CCT3: variants seen among roughly 807,000 people sequenced by gnomAD.
The protein encoded by CCT3 is chaperonin containing TCP1 subunit 3.
CCT3 carries 10 observed loss-of-function variants against 65.3 expected under a neutral mutation model. The ratio of observed to expected loss-of-function variants is 0.15; its 90% CI spans 0.09 to 0.26. The LOEUF (loss-of-function observed/expected upper bound fraction) is 0.26. Among genes scored for constraint, CCT3 ranks in the 10% least tolerant of loss-of-function variants. The pLI is 1.00. For synonymous variants in CCT3, 225 were observed against 242.3 expected (o/e 0.93, Z 0.66); for missense variants, 626 against 708.7 (o/e 0.88, Z 1.33).
chr1:156,324,957 T>C lies in CCT3; in HGVS notation c.422+15A>G, dbSNP rs746843654. On this transcript the variant is annotated intron_variant, in intron 6 of 13. Transcript: ENST00000295688. ...TCTCATATTTGATACTACCTATTTC[T>C]TGCCCCCAAGATACCTTATTTTCTT... The C allele has an allele frequency of 6.5e-7, 1 of 1,543,584 alleles. No individual in the cohort carries two copies. Among genetic ancestry groups the C allele is most frequent in the African/African-American group, 1.4e-5 (1 of 73,650 alleles).
intron 5 of CCT3, among the ~76,000 whole-genome samples, chr1:156,330,459 T>C (rs1214471720): frequency 2.0e-5 from 3 of 151,654 alleles, no homozygotes; most frequent in African/African-American, 7.3e-5. Flanking sequence ...GTTGATAGAG[T>C]TTGACACCAG....
At chr1:156,337,893 C>T in intron 1 of CCT3, 1 of 532,824 alleles carries the variant, frequency 1.9e-6, no homozygotes, top group Non-Finnish European at 3.3e-6. Context: ...AGGGACAGAA[C>T]GCGGAGTGGG....
At position 156,310,916 on chromosome 1, in the gene CCT3, C is replaced by T. The variant is rs1572625865; in HGVS notation, c.1401+34G>A. The T allele has an allele frequency of 3.7e-6, 6 of 1,603,676 alleles. No homozygotes were observed. The South Asian group carries it at 4.4e-5, about 12-fold the overall frequency. ...CTCAGGGCAAACACAGCTTTCCCTG[C>T]TCCATCAAGAGAAAAGCTTGGAGAG... On this transcript the variant is annotated intron_variant, in intron 12 of 13. Coordinates refer to ENST00000295688, the MANE Select transcript of CCT3 (RefSeq NM_005998.5).
rs776479532 is a variant in CCT3 at position 156,312,068 on chromosome 1, G to A, written c.1128C>T (p.Leu376=). ...AGAGAATCTCTTTGCTAGCCCCCCG[G>A]AGGAGAATGGTGCAGGCCTTGGGGT... The part of the protein sequence containing the change: ...CKDPKACTIL[L]RGASKEILSE... The change falls in exon 11 of 14, where the codon CTC becomes CTT. Residue 376 remains leucine (L), a synonymous_variant. Transcript: ENST00000295688. 3 of 1,611,854 alleles carry A rather than the reference G, an allele frequency of 1.9e-6. No homozygotes were observed. The highest frequency in any genetic ancestry group is 3.3e-5 in the Admixed American group (2 of 59,744).
At chr1:156,336,926 T>A (rs1052246983) in intron 1 of CCT3, among the ~76,000 whole-genome samples, 2 of 152,146 alleles carry the variant, frequency 1.3e-5, no homozygotes, top group African/African-American at 4.8e-5. Context: ...GTTTTTATTT[T>A]ATTTTTTTCC....
At chr1:156,337,035 T>C (rs1453450576) in intron 1 of CCT3, 1 of 1,263,910 alleles carries the variant, frequency 7.9e-7, no homozygotes. Flanking sequence ...CTAGCCAGGC[T>C]CTGCAGATGA....
intron 5 of CCT3, chr1:156,333,240 C>A (rs1046204224): frequency 1.0e-5 from 3 of 291,756 alleles, no homozygotes; most frequent in Non-Finnish European, 2.0e-5. Context: ...TTGCAGTGAG[C>A]CAAGATCGCA....
At chr1:156,324,852 C>T in intron 6 of CCT3, 120 bp downstream of exon 6, 1 of 653,830 alleles carries the variant, frequency 1.5e-6, no homozygotes, top group East Asian at 2.5e-5. Flanking sequence ...TGGTTTCCAT[C>T]TCCTGACCTC....
intron 1 of CCT3, 32 bp from the exon 2 acceptor site, chr1:156,335,920 C>T (rs750646544): frequency 6.4e-6 from 10 of 1,571,980 alleles, no homozygotes; most frequent in Non-Finnish European, 8.7e-6. Context: ...GTCAACAGCC[C>T]AGGACTGCCC....
In CCT3 at chr1:156,318,994, G is replaced by A. The variant is rs779021175; in HGVS notation, c.633C>T (p.Asp211=). The change falls in exon 8 of 14, where the codon GAC becomes GAT. Residue 211 remains aspartate, a synonymous_variant. Coordinates refer to ENST00000295688, the MANE Select transcript of CCT3 (RefSeq NM_005998.5). ...TCATGACTCCACGCAAGACACAGGA[G>A]TCTTCAATGATGCCTCCAGGTATCT... is the stretch of plus-strand genomic sequence containing the variant. ...VEKIPGGIIE[D]SCVLRGVMIN... is the part of the protein sequence containing the mutation. 9 of 1,612,152 alleles carry A rather than the reference G, an allele frequency of 5.6e-6. No individual in the cohort carries two copies. In the East Asian group the frequency reaches 6.7e-5, roughly 12 times the overall value.
At chr1:156,310,511 TAAA>T (rs749536653) in intron 13 of CCT3, 44 bp downstream of exon 13, 194 of 1,385,448 alleles carry the variant, frequency 1.4e-4, no homozygotes, top group Middle Eastern at 2.2e-4. Context: ...AATAGATAAA[TAAA>T]TAAATTAATT....
chr1:156,311,303 C>A, intron 11 of CCT3, 108 bp from the exon 12 acceptor site: 1 of 1,121,624 alleles, frequency 8.9e-7, no homozygotes, highest in South Asian at 1.5e-5. Context: ...CCAAGGAGGG[C>A]AACTAGAAAA....
intron 5 of CCT3, among the ~76,000 whole-genome samples, chr1:156,328,169 C>T (rs1218186522): frequency 7.3e-6 from 1 of 136,914 alleles, no homozygotes; most frequent in Non-Finnish European, 1.6e-5. Context: ...GCCCCTCTGC[C>T]CAGCCAGCCG....
chr1:156,328,302 C>T (rs1570931653), intron 5 of CCT3, among the ~76,000 whole-genome samples: 2 of 151,610 alleles, frequency 1.3e-5, no homozygotes, highest in Non-Finnish European at 3.0e-5. Context: ...CCCGGCTGCC[C>T]CTACTGGGAA....
intron 5 of CCT3, 135 bp downstream of exon 5, chr1:156,333,412 G>A (rs1665197520): frequency 1.5e-6 from 1 of 661,340 alleles, no homozygotes. Flanking sequence ...CCCAACTGGA[G>A]AGAATACATA....
chr1:156,338,011 G>C (rs1353362278), intron 1 of CCT3, 143 bp downstream of exon 1: 1 of 853,092 alleles, frequency 1.2e-6, no homozygotes, highest in African/African-American at 1.7e-5. Context: ...AGAGGAAAGC[G>C]GGACACTGGG....
intron 10 of CCT3, among the ~76,000 whole-genome samples, chr1:156,313,052 A>C (rs1359065865): frequency 2.6e-5 from 4 of 152,188 alleles, no homozygotes; most frequent in African/African-American, 9.7e-5. Flanking sequence ...CCATTAAGAA[A>C]ATGATTGAGG....
At chr1:156,328,262 G>A (rs1247935815) in intron 5 of CCT3, among the ~76,000 whole-genome samples, 6 of 146,574 alleles carry the variant, frequency 4.1e-5, no homozygotes, top group African/African-American at 1.2e-4. Flanking sequence ...CCGGCCAGCC[G>A]CCCCATCCGG....
intron 8 of CCT3, 113 bp downstream of exon 8, chr1:156,318,755 A>G: frequency 1.1e-6 from 1 of 915,174 alleles, no homozygotes; most frequent in East Asian, 2.5e-5. Context: ...TCTAAGAGTC[A>G]GTGTACACTA....
Sources: allele counts gnomAD v4.1 joint callset (sites outside exome capture counted in the v4.1 genomes callset), GRCh38; gene constraint gnomAD v4.1.1; transcripts MANE v1.5; gene names NCBI Gene and HGNC (gene_info 2026-07-23, HGNC 2026-07-21).